The following CIROP variants were observed in gnomAD, a reference collection of about 807,000 sequenced individuals.
CIROP encodes the protein leishmanolysin homolog.
chr14:23,102,906 A>G, the CIROP span: 16 of 607,034 alleles, frequency 2.6e-5, no homozygotes, highest in Non-Finnish European at 4.4e-5. Flanking sequence ...GCTTCTCCCT[A>G]TTCATCATGC....
At chr14:23,103,963 C>T in the CIROP span, 6 of 591,142 alleles carry the variant, frequency 1.0e-5, no homozygotes. Context: ...CCTTCACCCC[C>T]AGTCTCTGAT....
the CIROP span, chr14:23,099,209 C>G: frequency 9.7e-6 from 4 of 412,868 alleles, no homozygotes; most frequent in Middle Eastern, 6.3e-4. Context: ...TAAGTATACA[C>G]AATAGATTTT....
At chr14:23,104,742 T>A in the CIROP span, 1 of 702,976 alleles carries the variant, frequency 1.4e-6, no homozygotes, top group South Asian at 1.5e-5. Context: ...TCGTAGGGGT[T>A]GAGGATCACG....
the CIROP span, chr14:23,103,884 T>A: frequency 1.5e-6 from 1 of 660,510 alleles, no homozygotes; most frequent in Non-Finnish European, 2.8e-6. Context: ...GTATGAGGAG[T>A]AGGGGAGAAT....
At chr14:23,101,006 A>G in the CIROP span, 1 of 399,162 alleles carries the variant, frequency 2.5e-6, no homozygotes, top group Non-Finnish European at 4.4e-6. Flanking sequence ...TGGGGAAGTA[A>G]CAGCATTGAT....
the CIROP span, chr14:23,101,826 C>G: frequency 1.4e-6 from 1 of 702,878 alleles, no homozygotes; most frequent in Non-Finnish European, 2.6e-6. Context: ...GTCCCCTAAC[C>G]ACTCAGCACA....
the CIROP span, chr14:23,104,782 G>C: frequency 1.4e-6 from 1 of 703,010 alleles, no homozygotes; most frequent in Non-Finnish European, 2.6e-6. Context: ...GAGGAAGAGC[G>C]AGATTTTGAG....
the CIROP span, chr14:23,104,399 G>C: frequency 1.7e-5 from 12 of 702,964 alleles, no homozygotes; most frequent in Non-Finnish European, 2.9e-5. Context: ...GGTAGTTTGG[G>C]CTATCTGGGT....
At chr14:23,103,901 CTT>C in the CIROP span, 1 of 642,200 alleles carries the variant, frequency 1.6e-6, no homozygotes, top group South Asian at 1.7e-5. Context: ...GAATGAATCT[CTT>C]TGGTCTGTCT....
At chr14:23,104,610 G>A in the CIROP span, 1 of 702,072 alleles carries the variant, frequency 1.4e-6, no homozygotes, top group Middle Eastern at 2.3e-4. Flanking sequence ...TGCTAGAACA[G>A]CCTGGATTCG....
chr14:23,104,426 G>A, the CIROP span: 3 of 703,038 alleles, frequency 4.3e-6, no homozygotes, highest in Non-Finnish European at 7.8e-6. Context: ...AGACAGCGTG[G>A]CAATACTGTG....
At chr14:23,100,011 CTT>C in the CIROP span, 1 of 166,732 alleles carries the variant, frequency 6.0e-6, no homozygotes, top group African/African-American at 2.4e-5. Context: ...GCTCCCAGCA[CTT>C]TGGGAGGCAG....
chr14:23,104,095 T>A, the CIROP span: 3 of 588,394 alleles, frequency 5.1e-6, no homozygotes, highest in Admixed American at 9.3e-5. Context: ...TCCCTGAGAC[T>A]GAGAGGTGAG....
the CIROP span, chr14:23,103,920 T>C: frequency 1.6e-6 from 1 of 613,278 alleles, no homozygotes; most frequent in Non-Finnish European, 2.9e-6. Context: ...GTCTTTGTGT[T>C]ATCTAGGCAG....
the CIROP span, chr14:23,099,636 C>A: frequency 2.6e-6 from 1 of 381,844 alleles, no homozygotes; most frequent in Middle Eastern, 6.8e-4. Context: ...CTTGGCTCAC[C>A]GTAATCTCCG....
chr14:23,099,750 A>G, the CIROP span: 4 of 274,766 alleles, frequency 1.5e-5, no homozygotes, highest in Middle Eastern at 1.1e-3. Context: ...ACCCTTAAAG[A>G]TAGAGCTCAT....
the CIROP span, chr14:23,103,191 G>T: frequency 2.4e-6 from 1 of 423,742 alleles, no homozygotes; most frequent in East Asian, 3.5e-5. Flanking sequence ...CTGTGGGTGG[G>T]GGTAGCCTTT....
the CIROP span, chr14:23,100,361 T>TGGATGATC: frequency 2.4e-6 from 1 of 411,634 alleles, no homozygotes; most frequent in Non-Finnish European, 4.4e-6. Flanking sequence ...GTGACGGGAC[T>TGGATGATC]GGATGATCGT....
the CIROP span, chr14:23,100,397 G>A: frequency 7.3e-6 from 3 of 411,944 alleles, no homozygotes; most frequent in African/African-American, 2.1e-5. Context: ...TCTCTGAAAC[G>A]CAACCCTGTC....
Sources: gnomAD v4.1 joint callset for allele counts on GRCh38, gnomAD v4.1.1 for gene constraint, MANE v1.5 for transcripts, NCBI Gene and HGNC (gene_info 2026-07-23, HGNC 2026-07-21) for gene names.